ST7: variants seen among roughly 807,000 people sequenced by gnomAD.
ST7 encodes the protein suppressor of tumorigenicity 7 protein.
In ST7, 28 loss-of-function variants were observed where a neutral mutation model predicts 78.7. The ratio of observed to expected loss-of-function variants is 0.36; its 90% CI spans 0.26 to 0.49. The LOEUF (loss-of-function observed/expected upper bound fraction) is 0.49, where lower values mean the gene tolerates loss of function less well. Ranked by LOEUF, ST7 falls within the 20% of genes least tolerant of loss-of-function variation. The probability of loss-of-function intolerance (pLI) is 0.99; values close to 1 mark genes in which losing one functional copy is unlikely to be tolerated. For synonymous variants in ST7, 247 were observed against 249.6 expected (o/e 0.99, Z 0.10); for missense variants, 418 against 696.0 (o/e 0.60, Z 4.49).
In ST7 at chr7:117,186,456, G is replaced by A. The variant is rs948209832; in HGVS notation, c.1079-2865G>A. ...TGGACGAAGGGATGATTCACATCCC[G>A]GGTTGGATGGAGCAGGGCAGTAACA... On this transcript the variant is annotated intron_variant, in intron 10 of 15. Transcript: ENST00000323984. Among the ~76,000 whole-genome samples, 23 of 152,280 alleles carry A rather than the reference G, an allele frequency of 1.5e-4. 1 individual carries two copies. Among genetic ancestry groups the A allele is most frequent in the African/African-American group, 5.3e-4 (22 of 41,564 alleles).
At chr7:116,978,252 G>A (rs1793793328) in intron 1 of ST7, among the ~76,000 whole-genome samples, 1 of 152,236 alleles carries the variant, frequency 6.6e-6, no homozygotes, top group African/African-American at 2.4e-5. Flanking sequence ...TAAGAAAGAA[G>A]TTGCTTCCTG....
At chr7:117,002,655 G>GTGTT (rs1391308565) in intron 1 of ST7, among the ~76,000 whole-genome samples, 1 of 149,646 alleles carries the variant, frequency 6.7e-6, no homozygotes, top group East Asian at 1.9e-4. Flanking sequence ...GTGTGTGTGT[G>GTGTT]TGTGTGTGTG....
chr7:117,204,479 G>T (rs995537980), intron 12 of ST7, among the ~76,000 whole-genome samples: 3 of 152,146 alleles, frequency 2.0e-5, no homozygotes, highest in Non-Finnish European at 2.9e-5. Context: ...AGTGGCAGAT[G>T]GTAGATGAGA....
intron 1 of ST7, among the ~76,000 whole-genome samples, chr7:116,989,332 G>A (rs556179813): frequency 1.0e-3 from 155 of 152,278 alleles, no homozygotes; most frequent in African/African-American, 3.4e-3. Flanking sequence ...CTTCACAGCT[G>A]TGGAGCTCAC....
chr7:117,070,589 T>G (rs1274943836), intron 1 of ST7, among the ~76,000 whole-genome samples: 1 of 152,142 alleles, frequency 6.6e-6, no homozygotes, highest in Admixed American at 6.5e-5. Context: ...TCGCCCAGGC[T>G]GGATGCAGTG....
intron 9 of ST7, among the ~76,000 whole-genome samples, chr7:117,153,011 C>T (rs944980374): frequency 6.6e-6 from 1 of 152,092 alleles, no homozygotes; most frequent in East Asian, 1.9e-4. Context: ...GGTAGAATAA[C>T]CCCAAGTGGA....
intron 1 of ST7, chr7:116,959,501 G>C (rs1244065647): frequency 1.7e-5 from 5 of 287,504 alleles, no homozygotes; most frequent in African/African-American, 1.1e-4. Context: ...TTCACTGGAT[G>C]AATGAATATC....
chr7:117,158,596 C>T (rs1474086925), intron 9 of ST7, among the ~76,000 whole-genome samples: 3 of 152,140 alleles, frequency 2.0e-5, no homozygotes, highest in African/African-American at 7.2e-5. Flanking sequence ...GACCATATTA[C>T]TTTTCAATGG....
At chr7:116,977,614 C>T (rs189662456) in intron 1 of ST7, among the ~76,000 whole-genome samples, 2 of 152,322 alleles carry the variant, frequency 1.3e-5, no homozygotes, top group South Asian at 2.1e-4. Flanking sequence ...TGCAGTGGCA[C>T]GATCTTGGCT....
chr7:117,185,825 A>G (rs1248678441), intron 10 of ST7, among the ~76,000 whole-genome samples: 1 of 152,218 alleles, frequency 6.6e-6, no homozygotes, highest in Non-Finnish European at 1.5e-5. Flanking sequence ...TAGGAGGCTG[A>G]GGCAGGAGAA....
At chr7:117,047,587 C>G (rs1361660104) in intron 1 of ST7, among the ~76,000 whole-genome samples, 1 of 152,152 alleles carries the variant, frequency 6.6e-6, no homozygotes, top group Non-Finnish European at 1.5e-5. Flanking sequence ...CGTTTATACT[C>G]TGTGCATTGT....
At chr7:117,040,333 A>C (rs1302606996) in intron 1 of ST7, among the ~76,000 whole-genome samples, 1 of 152,176 alleles carries the variant, frequency 6.6e-6, no homozygotes, top group Non-Finnish European at 1.5e-5. Context: ...AATCGCAGCC[A>C]CTGCACTCCA....
intron 1 of ST7, among the ~76,000 whole-genome samples, chr7:116,962,394 C>T (rs371054606): frequency 5.9e-5 from 9 of 152,218 alleles, no homozygotes; most frequent in Non-Finnish European, 1.3e-4. Context: ...AACTAATTTA[C>T]ATCCCACCAA....
rs147859609 is a variant in ST7, at chr7:116,980,148, G to A, written c.151+26457G>A. ...GAATTTTTGCATTTTTAGTAGAGAC[G>A]GAGTTTCGCCATGTTGGCCAGGCTC... On this transcript the variant is annotated intron_variant, in intron 1 of 15. Coordinates refer to ENST00000323984, the MANE Select transcript of ST7 (RefSeq NM_001369598.1). Among the ~76,000 whole-genome samples, 248 of 151,598 alleles carry A rather than the reference G, an allele frequency of 1.6e-3. 1 individual carries two copies. The highest frequency in any genetic ancestry group is 5.7e-3 in the African/African-American group (235 of 41,382).
intron 3 of ST7, among the ~76,000 whole-genome samples, chr7:117,126,050 GCTTTAAGCCC>G (rs1803811967): frequency 6.6e-6 from 1 of 151,880 alleles, no homozygotes; most frequent in South Asian, 2.1e-4. Context: ...GATAAATCGA[GCTTTAAGCCC>G]CTTTACAGAA....
At chr7:117,174,803 C>T (rs571289790) in intron 10 of ST7, among the ~76,000 whole-genome samples, 4 of 152,158 alleles carry the variant, frequency 2.6e-5, no homozygotes, top group Non-Finnish European at 5.9e-5. Context: ...TTAGCAGATG[C>T]AGAAACTGAG....
intron 1 of ST7, among the ~76,000 whole-genome samples, chr7:116,969,542 C>G (rs1320114804): frequency 6.6e-6 from 1 of 152,186 alleles, no homozygotes; most frequent in African/African-American, 2.4e-5. Flanking sequence ...GGTTTCTTCA[C>G]TGTAAAGTTA....
chr7:117,026,473 G>A (rs1228774432), intron 1 of ST7, among the ~76,000 whole-genome samples: 1 of 152,074 alleles, frequency 6.6e-6, no homozygotes, highest in East Asian at 1.9e-4. Context: ...CATTTACTGT[G>A]CTAGAATAGT....
At chr7:117,193,483 A>T (rs1454478188) in intron 12 of ST7, among the ~76,000 whole-genome samples, 2 of 152,204 alleles carry the variant, frequency 1.3e-5, no homozygotes, top group Non-Finnish European at 2.9e-5. Context: ...GAGGGCACTG[A>T]CGGTTTGGAG....
Sources: allele counts gnomAD v4.1 joint callset (sites outside exome capture counted in the v4.1 genomes callset), GRCh38; gene constraint gnomAD v4.1.1; transcripts MANE v1.5; gene names NCBI Gene and HGNC (gene_info 2026-07-23, HGNC 2026-07-21).